Variants in MAGI1 observed in about 807,000 individuals in gnomAD.
MAGI1 encodes membrane-associated guanylate kinase, WW and PDZ domain-containing protein 1.
A neutral mutation model predicts 139.9 loss-of-function variants in MAGI1; 58 were observed. That is an observed-to-expected ratio of 0.41 (90% confidence interval 0.34 to 0.52). MAGI1 has a LOEUF of 0.52. Ranked by LOEUF, MAGI1 falls within the 20% of genes least tolerant of loss-of-function variation. MAGI1 has a pLI of 0.12. For missense variants in MAGI1, 1,874 were observed against 1,901.6 expected (o/e 0.99, Z 0.27); for synonymous variants, 812 against 737.9 (o/e 1.10, Z -1.63).
chr3:65,883,754 GC>G (rs1210133588), intron 1 of MAGI1, among the ~76,000 whole-genome samples: 1 of 152,164 alleles, frequency 6.6e-6, no homozygotes, highest in Non-Finnish European at 1.5e-5. Flanking sequence ...CCTGTCTCTT[GC>G]CCTCAGACAG....
chr3:65,770,006 A>G (rs2037819938), intron 1 of MAGI1, among the ~76,000 whole-genome samples: 1 of 152,226 alleles, frequency 6.6e-6, no homozygotes, highest in Non-Finnish European at 1.5e-5. Context: ...GAGGAGATTT[A>G]CGTGCCATCT....
At chr3:65,819,875 CA>C (rs3077818) in intron 1 of MAGI1, among the ~76,000 whole-genome samples, 1,531 of 33,340 alleles carry the variant, frequency 0.046, 28 homozygotes, top group African/African-American at 0.12. Context: ...GACTCCATCT[CA>C]AAAAAAAAAA....
chr3:65,711,073 C>G (rs2031334747), intron 1 of MAGI1, among the ~76,000 whole-genome samples: 1 of 152,226 alleles, frequency 6.6e-6, no homozygotes, highest in Non-Finnish European at 1.5e-5. Context: ...TTCCAGTCTA[C>G]ACCTTAAACT....
chr3:65,780,419 G>A (rs1300283955), intron 1 of MAGI1, among the ~76,000 whole-genome samples: 1 of 152,174 alleles, frequency 6.6e-6, no homozygotes, highest in African/African-American at 2.4e-5. Context: ...CACTGAAGAA[G>A]ATTTAAAGCA....
In MAGI1 at chr3:65,723,066, C is replaced by T. The variant is rs370162422; in HGVS notation, c.314-100978G>A. Among the ~76,000 whole-genome samples the T allele has an allele frequency of 2.2e-4, 33 of 152,036 alleles. No individual in the cohort carries two copies. The East Asian group carries it at 4.3e-3, about 20-fold the overall frequency. ...GACATCCCTCATGGACTTAGGTTGC[C>T]CGGACTGTCATCATACAGGTCAGAA... On this transcript the variant is annotated intron_variant, in intron 1 of 22. Transcript: ENST00000402939.
At chr3:65,703,151 G>GTGGC (rs1248256367) in intron 1 of MAGI1, among the ~76,000 whole-genome samples, 9 of 152,146 alleles carry the variant, frequency 5.9e-5, no homozygotes, top group Non-Finnish European at 4.4e-5. Context: ...TTGGCAGGGG[G>GTGGC]TGGCTGGCTT....
chr3:65,996,730 C>T (rs569757511), intron 1 of MAGI1, among the ~76,000 whole-genome samples: 1 of 152,234 alleles, frequency 6.6e-6, no homozygotes, highest in Admixed American at 6.5e-5. Context: ...AATAGACACT[C>T]CAGCTTGTGC....
At chr3:65,609,726 A>G in intron 2 of MAGI1, 1 of 270,618 alleles carries the variant, frequency 3.7e-6, no homozygotes, top group Non-Finnish European at 7.7e-6. Flanking sequence ...CTAGAACTGC[A>G]GGTGTGCACC....
intron 2 of MAGI1, among the ~76,000 whole-genome samples, chr3:65,519,811 G>A (rs1191237040): frequency 6.6e-6 from 1 of 152,216 alleles, no homozygotes; most frequent in African/African-American, 2.4e-5. Context: ...ATTGTGATAG[G>A]TTATTCTTCC....
chr3:65,621,386 G>A (rs1241355883), intron 2 of MAGI1, among the ~76,000 whole-genome samples: 1 of 152,106 alleles, frequency 6.6e-6, no homozygotes, highest in Non-Finnish European at 1.5e-5. Flanking sequence ...TTTCAGATTT[G>A]GTGTAATCTA....
At chr3:65,640,985 A>T (rs2084950934) in intron 1 of MAGI1, among the ~76,000 whole-genome samples, 1 of 152,178 alleles carries the variant, frequency 6.6e-6, no homozygotes, top group Non-Finnish European at 1.5e-5. Context: ...TATGAGAAAG[A>T]AAATTATCTT....
At chr3:65,731,727 T>G (rs2034218930) in intron 1 of MAGI1, among the ~76,000 whole-genome samples, 1 of 151,628 alleles carries the variant, frequency 6.6e-6, no homozygotes. Flanking sequence ...GCATTTTTAG[T>G]GCTTTAAATA....
At chr3:65,383,044 G>A (rs1575572743) in intron 15 of MAGI1, among the ~76,000 whole-genome samples, 3 of 152,296 alleles carry the variant, frequency 2.0e-5, no homozygotes, top group Non-Finnish European at 2.9e-5. Flanking sequence ...GAAGTTCAAT[G>A]TTTCTTGACC....
Position 65,792,750 on chromosome 3 carries a change from T to C in MAGI1, c.314-170662A>G, listed in dbSNP as rs189557943. Among the ~76,000 whole-genome samples, 155 of 152,158 alleles carry C rather than the reference T, an allele frequency of 1.0e-3. 1 individual carries two copies. The highest frequency in any genetic ancestry group is 3.5e-3 in the African/African-American group (144 of 41,514). On this transcript the variant is annotated intron_variant, in intron 1 of 22. Coordinates refer to ENST00000402939, the MANE Select transcript of MAGI1 (RefSeq NM_001033057.2). Reference sequence around the variant, plus strand: ...TCTAGTAAAATGACTCAAGGTTCATTACACTACTCAGAACCACATGCAGTT... The same window carrying C: ...TCTAGTAAAATGACTCAAGGTTCATCACACTACTCAGAACCACATGCAGTT...
intron 1 of MAGI1, among the ~76,000 whole-genome samples, chr3:65,978,621 C>CTTT (rs373662388): frequency 1.1e-3 from 141 of 129,152 alleles, no homozygotes; most frequent in African/African-American, 3.0e-3. Flanking sequence ...CTCAAAATTT[C>CTTT]TTTTTTTTTT....
At chr3:65,928,477 CAT>C (rs2062633108) in intron 1 of MAGI1, among the ~76,000 whole-genome samples, 1 of 152,176 alleles carries the variant, frequency 6.6e-6, no homozygotes, top group Admixed American at 6.5e-5. Flanking sequence ...GTCAGGAGCA[CAT>C]GAGATGAAAT....
At chr3:65,703,935 G>A (rs1470618817) in intron 1 of MAGI1, among the ~76,000 whole-genome samples, 1 of 152,210 alleles carries the variant, frequency 6.6e-6, no homozygotes, top group Non-Finnish European at 1.5e-5. Context: ...TGGGCTTAAA[G>A]TTGTTTCAAG....
chr3:65,396,500 C>T (rs924894396), intron 13 of MAGI1, among the ~76,000 whole-genome samples: 7 of 151,930 alleles, frequency 4.6e-5, no homozygotes, highest in Middle Eastern at 3.4e-3. Context: ...AATGGAAATG[C>T]GAAAAAAATC....
chr3:65,359,371 G>T, intron 22 of MAGI1: 1 of 1,356,958 alleles, frequency 7.4e-7, no homozygotes, highest in Non-Finnish European at 9.5e-7. Context: ...GACATTTTTA[G>T]ACAGCCATAA....
Sources: allele counts gnomAD v4.1 joint callset (sites outside exome capture counted in the v4.1 genomes callset), GRCh38; gene constraint gnomAD v4.1.1; transcripts MANE v1.5; gene names NCBI Gene and HGNC (gene_info 2026-07-23, HGNC 2026-07-21).